Variants in PCNT observed in about 807,000 individuals in gnomAD.
PCNT encodes kendrin.
A neutral mutation model predicts 380.4 loss-of-function variants in PCNT; 319 were observed. The ratio of observed to expected loss-of-function variants is 0.84; its 90% CI spans 0.77 to 0.92. The LOEUF (loss-of-function observed/expected upper bound fraction) is 0.92, where lower values mean the gene tolerates loss of function less well. PCNT is among the 40% of genes least tolerant of loss of function. The pLI is 0.00. For missense variants in PCNT, 4,400 were observed against 4,255.3 expected, an observed-to-expected ratio of 1.03 and a Z score of -0.95; for synonymous variants, 1,845 against 1,735.2, an observed-to-expected ratio of 1.06 and a Z score of -1.57.
At chr21:46,352,502 G>T (rs889261527) in intron 9 of PCNT, among the ~76,000 whole-genome samples, 1 of 152,116 alleles carries the variant, frequency 6.6e-6, no homozygotes, top group Admixed American at 6.5e-5. Flanking sequence ...AGAGAACCCC[G>T]ATTTGCCCTC....
intron 3 of PCNT, among the ~76,000 whole-genome samples, chr21:46,345,421 T>A (rs1416078110): frequency 2.0e-5 from 3 of 152,142 alleles, no homozygotes; most frequent in Non-Finnish European, 4.4e-5. Flanking sequence ...TTTCACCATG[T>A]TGGCCAGGCT....
At chr21:46,408,233 G>A (rs986565562) in intron 27 of PCNT, among the ~76,000 whole-genome samples, 3 of 152,190 alleles carry the variant, frequency 2.0e-5, no homozygotes, top group Admixed American at 1.3e-4. Flanking sequence ...GCTGTCGCCT[G>A]TGTCTGTTCC....
rs200865168 is a variant in PCNT at position 46,357,215 on chromosome 21, G to C, written c.2154+24G>C. The C allele has an allele frequency of 6.0e-6, 9 of 1,506,100 alleles. No homozygotes were observed. In the East Asian group the frequency reaches 2.0e-4, roughly 34 times the overall value. The allele number at this position is 1,506,100 out of a possible 1,614,324, so 93.3% of individuals were successfully genotyped here. On this transcript the variant is annotated intron_variant, in intron 13 of 46. Transcript: ENST00000359568. ...AGGTGAGTCGTGACTCCACAGCCCA[G>C]CGCCTCCCGCCCGAGTCCTTGCTCT... is the stretch of plus-strand genomic sequence containing the variant.
intron 40 of PCNT, 27 bp downstream of exon 40, chr21:46,437,108 T>G (rs1479842228): frequency 6.6e-7 from 1 of 1,520,452 alleles, no homozygotes; most frequent in East Asian, 2.2e-5. Context: ...CCCAGGTCCC[T>G]GGCCTGGCTC....
At chr21:46,397,605 G>A (rs1046305271) in intron 22 of PCNT, 111 bp downstream of exon 22, 19 of 894,804 alleles carry the variant, frequency 2.1e-5, no homozygotes, top group South Asian at 1.0e-4. Context: ...TGAAGAGGGC[G>A]CCCCACACCT....
intron 27 of PCNT, among the ~76,000 whole-genome samples, chr21:46,405,280 C>T (rs1569261591): frequency 1.3e-5 from 2 of 152,220 alleles, no homozygotes; most frequent in Non-Finnish European, 2.9e-5. Context: ...AGAAGTTTGT[C>T]TCCAGTTTGT....
chr21:46,444,369 C>T (rs1203988579), intron 45 of PCNT, among the ~76,000 whole-genome samples: 2 of 152,126 alleles, frequency 1.3e-5, no homozygotes, highest in African/African-American at 4.8e-5. Context: ...GCAGGTATCA[C>T]CCTGACAAAC....
intron 24 of PCNT, 26 bp downstream of exon 24, chr21:46,398,281 A>C (rs780183062): frequency 6.3e-7 from 1 of 1,591,998 alleles, no homozygotes; most frequent in African/African-American, 1.3e-5. Flanking sequence ...CGAGATGGGC[A>C]CTCCCTGCGC....
At chr21:46,355,773 G>T (rs955132768) in intron 12 of PCNT, 147 bp downstream of exon 12, 6 of 823,870 alleles carry the variant, frequency 7.3e-6, no homozygotes, top group Non-Finnish European at 1.2e-5. Flanking sequence ...CACCTCAACA[G>T]AGTGTGTCCT....
At chr21:46,403,929 C>T (rs1203708912) in intron 27 of PCNT, among the ~76,000 whole-genome samples, 2 of 133,288 alleles carry the variant, frequency 1.5e-5, no homozygotes, top group Non-Finnish European at 3.3e-5. Flanking sequence ...GCCCACGCGG[C>T]GCGTGCTCGG....
intron 2 of PCNT, among the ~76,000 whole-genome samples, chr21:46,328,252 G>GT (rs1350356059): frequency 9.3e-5 from 6 of 64,488 alleles, no homozygotes; most frequent in South Asian, 4.4e-4. Flanking sequence ...TTGGGTTGGT[G>GT]TGTTTTTTTT....
chr21:46,420,013 G>C (rs1174545014), intron 31 of PCNT, among the ~76,000 whole-genome samples: 5 of 152,194 alleles, frequency 3.3e-5, no homozygotes, highest in African/African-American at 1.2e-4. Context: ...GTTGTCGGTT[G>C]GTTGGCTGGG....
intron 27 of PCNT, among the ~76,000 whole-genome samples, chr21:46,408,222 T>G (rs1334028684): frequency 3.3e-5 from 5 of 152,208 alleles, no homozygotes; most frequent in Admixed American, 2.6e-4. Context: ...AATTGATGCA[T>G]GCTGTCGCCT....
Position 46,397,430 on chromosome 21 carries a change from C to G in PCNT, c.4382C>G (p.Thr1461Ser). 6.2e-7 allele frequency: 1 copy of G among 1,614,230 alleles called. No individual in the cohort carries two copies. Among genetic ancestry groups the G allele is most frequent in the Non-Finnish European group, 8.5e-7 (1 of 1,180,042 alleles). ...RGCAKQAEAV[T>S]ALEQQVASLD... is the part of the protein sequence containing the mutation. Reference sequence around the variant, plus strand: ...TGTGCCAAGCAGGCGGAGGCCGTCACTGCCCTGGAACAGCAGGTGGCATCT... The same window carrying G: ...TGTGCCAAGCAGGCGGAGGCCGTCAGTGCCCTGGAACAGCAGGTGGCATCT... Residue 1461 changes from threonine to serine, a missense_variant, in exon 22 of 47, where the codon ACT (threonine) becomes AGT (serine). Coordinates refer to ENST00000359568, the MANE Select transcript of PCNT (RefSeq NM_006031.6).
chr21:46,329,308 C>T (rs554049916), intron 2 of PCNT, among the ~76,000 whole-genome samples: 67 of 152,266 alleles, frequency 4.4e-4, no homozygotes, highest in African/African-American at 1.6e-3. Flanking sequence ...TGCCTTCATT[C>T]AGGAAGATGA....
chr21:46,370,715 G>A (rs758223819), intron 15 of PCNT, among the ~76,000 whole-genome samples: 6 of 152,166 alleles, frequency 3.9e-5, no homozygotes, highest in South Asian at 2.1e-4. Flanking sequence ...AGACCAGCCT[G>A]GGGAACATAG....
chr21:46,435,369 G>A lies in PCNT; in HGVS notation c.8752-535G>A, dbSNP rs537422042. On this transcript the variant is annotated intron_variant, in intron 38 of 46. Coordinates refer to ENST00000359568, the MANE Select transcript of PCNT (RefSeq NM_006031.6). ...GCCTCCCGAGTAGCTGGGATTACAGGTGCGCACCACCACGCCCAGCTAATT... is the reference window on the plus strand; with the variant it reads ...GCCTCCCGAGTAGCTGGGATTACAGATGCGCACCACCACGCCCAGCTAATT... Among the ~76,000 whole-genome samples the A allele has an allele frequency of 2.0e-5, 3 of 152,052 alleles. No individual in the cohort carries two copies. In the South Asian group the frequency reaches 6.2e-4, roughly 32 times the overall value.
chr21:46,325,057 G>T (rs1001164278), intron 1 of PCNT: 1 of 985,480 alleles, frequency 1.0e-6, no homozygotes, highest in Non-Finnish European at 1.2e-6. Context: ...TCTTTCTCCC[G>T]CCCCGGGTTT....
intron 3 of PCNT, among the ~76,000 whole-genome samples, chr21:46,344,951 G>A (rs2084019936): frequency 6.6e-6 from 1 of 152,210 alleles, no homozygotes; most frequent in Non-Finnish European, 1.5e-5. Context: ...GGGTGCATTT[G>A]TTTCTTGTGA....
Sources: gnomAD v4.1 joint callset for allele counts (sites outside exome capture counted in the v4.1 genomes callset) on GRCh38, gnomAD v4.1.1 for gene constraint, MANE v1.5 for transcripts, NCBI Gene and HGNC (gene_info 2026-07-23, HGNC 2026-07-21) for gene names.